PRKN: variants seen among roughly 807,000 people sequenced by gnomAD.
PRKN encodes the protein E3 ubiquitin-protein ligase parkin.
In PRKN, 56 loss-of-function variants were observed where a neutral mutation model predicts 59.5. The observed-to-expected ratio is 0.94, with a 90% confidence interval of 0.76 to 1.18. PRKN has a LOEUF of 1.18. PRKN is among the 50% of genes most tolerant of loss of function. PRKN has a pLI of 0.00. For synonymous variants in PRKN, 250 were observed against 222.1 expected, an observed-to-expected ratio of 1.13 and a Z score of -1.12; for missense variants, 657 against 596.4, an observed-to-expected ratio of 1.10 and a Z score of -1.06.
At chr6:162,183,850 C>T (rs1309467552) in intron 4 of PRKN, among the ~76,000 whole-genome samples, 3 of 152,144 alleles carry the variant, frequency 2.0e-5, no homozygotes, top group African/African-American at 4.8e-5. Context: ...GCTCTTTCTT[C>T]CTAGTTTTAG....
chr6:161,611,923 G>T (rs1225151624), intron 7 of PRKN, among the ~76,000 whole-genome samples: 1 of 152,202 alleles, frequency 6.6e-6, no homozygotes, highest in Non-Finnish European at 1.5e-5. Context: ...ACACACAAAT[G>T]ATAAGAAAGC....
intron 2 of PRKN, among the ~76,000 whole-genome samples, chr6:162,413,549 C>T (rs1434123423): frequency 5.3e-5 from 8 of 152,184 alleles, no homozygotes; most frequent in Admixed American, 3.3e-4. Flanking sequence ...TAGGGCCAAA[C>T]ATTATCTGTA....
At chr6:162,185,156 C>T (rs1377139970) in intron 4 of PRKN, among the ~76,000 whole-genome samples, 1 of 152,114 alleles carries the variant, frequency 6.6e-6, no homozygotes, top group Non-Finnish European at 1.5e-5. Flanking sequence ...ACTATGTATT[C>T]CACAGCACAT....
At chr6:161,898,013 C>G (rs983023239) in intron 6 of PRKN, among the ~76,000 whole-genome samples, 6 of 143,444 alleles carry the variant, frequency 4.2e-5, no homozygotes, top group African/African-American at 1.3e-4. Context: ...AAAGGTTTTT[C>G]TCATCTGCTA....
intron 5 of PRKN, among the ~76,000 whole-genome samples, chr6:162,022,524 T>C (rs1783246305): frequency 6.6e-6 from 1 of 152,164 alleles, no homozygotes; most frequent in African/African-American, 2.4e-5. Context: ...TAACCGGTCT[T>C]TATTGTTGTT....
chr6:162,023,822 C>G (rs1048988381), intron 5 of PRKN, among the ~76,000 whole-genome samples: 3 of 152,102 alleles, frequency 2.0e-5, no homozygotes, highest in Admixed American at 6.6e-5. Flanking sequence ...CCTTCCCTCC[C>G]TATCATTTAG....
At chr6:161,753,706 C>T (rs200659205) in intron 7 of PRKN, among the ~76,000 whole-genome samples, 8 of 151,958 alleles carry the variant, frequency 5.3e-5, no homozygotes, top group Admixed American at 1.3e-4. Flanking sequence ...CCAATGGGGG[C>T]GGGGGGGCTC....
chr6:161,461,122 T>C lies in PRKN; in HGVS notation c.1084-74245A>G, dbSNP rs1790195963. Reference sequence around the variant, plus strand: ...CCCATAAACATTCCACCTGCATCAGTTTTTCAGAAAACAGAACTGAACGTC... The same window carrying C: ...CCCATAAACATTCCACCTGCATCAGCTTTTCAGAAAACAGAACTGAACGTC... On this transcript the variant is annotated intron_variant, in intron 9 of 11. Transcript: ENST00000366898. This position sits in a 1 kb window ranked among gnomAD's most constrained non-coding sequence, Gnocchi z 5.1. 6.6e-6 allele frequency among the ~76,000 whole-genome samples: 1 copy of C among 152,108 alleles called. No individual in the cohort carries two copies. The highest frequency in any genetic ancestry group is 2.4e-5 in the African/African-American group (1 of 41,396).
intron 7 of PRKN, among the ~76,000 whole-genome samples, chr6:161,603,511 C>T (rs536632553): frequency 4.6e-5 from 7 of 152,306 alleles, no homozygotes; most frequent in East Asian, 1.9e-4. Context: ...TCACTGTTTG[C>T]GCACATAAGC....
intron 2 of PRKN, among the ~76,000 whole-genome samples, chr6:162,378,975 C>G (rs943570995): frequency 6.6e-6 from 1 of 152,168 alleles, no homozygotes; most frequent in Non-Finnish European, 1.5e-5. Flanking sequence ...ATATCAAGAA[C>G]TCACCTTGAG....
chr6:162,564,237 T>C (rs1779967415), intron 1 of PRKN, among the ~76,000 whole-genome samples: 1 of 151,426 alleles, frequency 6.6e-6, no homozygotes, highest in East Asian at 1.9e-4. Context: ...CCCAGCTAGT[T>C]GGGAGGCTAA....
In PRKN at chr6:162,286,886, C is replaced by T. The variant is rs182165845; in HGVS notation, c.172-24121G>A. ...ATGCATAACTTACCTAAAGGGATAT[C>T]ACTGGATTTGCATCCAGGTTCATCT... On this transcript the variant is annotated intron_variant, in intron 2 of 11. Coordinates refer to ENST00000366898, the MANE Select transcript of PRKN (RefSeq NM_004562.3). Among the ~76,000 whole-genome samples the T allele has an allele frequency of 1.9e-3, 284 of 152,316 alleles. 2 individuals carry two copies. Among genetic ancestry groups the T allele is most frequent in the African/African-American group, 6.6e-3 (273 of 41,572 alleles).
intron 2 of PRKN, among the ~76,000 whole-genome samples, chr6:162,315,321 T>C (rs1782706971): frequency 6.6e-6 from 1 of 152,208 alleles, no homozygotes; most frequent in African/African-American, 2.4e-5. Context: ...AAACACCTAA[T>C]GAGTCAATGG....
intron 7 of PRKN, among the ~76,000 whole-genome samples, chr6:161,607,087 A>C (rs1583285067): frequency 6.6e-6 from 1 of 151,898 alleles, no homozygotes; most frequent in African/African-American, 2.4e-5. Context: ...AAAACCCTAC[A>C]CCTCCCCACC....
intron 1 of PRKN, among the ~76,000 whole-genome samples, chr6:162,600,855 A>T (rs1380565984): frequency 1.3e-5 from 2 of 152,200 alleles, no homozygotes; most frequent in African/African-American, 4.8e-5. Flanking sequence ...CTCCCAAGAA[A>T]GAGAAGCCTC....
At chr6:162,621,602 T>C (rs1190365394) in intron 1 of PRKN, among the ~76,000 whole-genome samples, 4 of 152,208 alleles carry the variant, frequency 2.6e-5, no homozygotes, top group Non-Finnish European at 5.9e-5. Context: ...TTTGAAGTCA[T>C]GTGTTACATA....
At chr6:162,435,652 C>T (rs971349883) in intron 2 of PRKN, among the ~76,000 whole-genome samples, 1 of 152,120 alleles carries the variant, frequency 6.6e-6, no homozygotes, top group Non-Finnish European at 1.5e-5. Flanking sequence ...TGTACCTGTT[C>T]TTTGGAGGAA....
At chr6:162,573,607 T>C (rs2155510) in intron 1 of PRKN, among the ~76,000 whole-genome samples, 80,696 of 152,032 alleles carry the variant, frequency 0.53, 21,722 homozygotes, top group East Asian at 0.71. Flanking sequence ...TTGCTAGTAA[T>C]CCAAGTGATA....
In PRKN at chr6:162,315,565, C is replaced by CT. The variant is rs572371746; in HGVS notation, c.172-52801dup. On this transcript the variant is annotated intron_variant, in intron 2 of 11. Coordinates refer to ENST00000366898, the MANE Select transcript of PRKN (RefSeq NM_004562.3). ...TTGTCTTGTGTTTTATCTAGCAACT[C>CT]TATTTTGCAGCCTTCAACATAGCAA... is the stretch of plus-strand genomic sequence containing the variant. 1.6e-4 allele frequency among the ~76,000 whole-genome samples: 25 copies of CT among 152,288 alleles called. No individual in the cohort carries two copies. In the East Asian group the frequency reaches 4.6e-3, roughly 28 times the overall value.
Sources: allele counts gnomAD v4.1 joint callset (sites outside exome capture counted in the v4.1 genomes callset), GRCh38; gene constraint gnomAD v4.1.1; non-coding constraint Gnocchi (gnomAD v3.1); transcripts MANE v1.5; gene names NCBI Gene and HGNC (gene_info 2026-07-23, HGNC 2026-07-21).